Variants in PHACTR3 observed in about 807,000 individuals in gnomAD.
PHACTR3 encodes protein phosphatase 1, regulatory subunit 123.
A neutral mutation model predicts 66.8 loss-of-function variants in PHACTR3; 16 were observed. The observed-to-expected ratio is 0.24, with a 90% CI of 0.16 to 0.36. The LOEUF (loss-of-function observed/expected upper bound fraction) is 0.36. Among genes scored for constraint, PHACTR3 ranks in the 10% least tolerant of loss-of-function variants. PHACTR3 has a pLI of 1.00. For missense variants in PHACTR3, 647 were observed against 719.9 expected (o/e 0.90, Z 1.16); for synonymous variants, 323 against 292.1 (o/e 1.11, Z -1.08).
chr20:59,843,511 G>A (rs774825359), intron 11 of PHACTR3: 5 of 152,076 alleles, frequency 3.3e-5, no homozygotes, highest in Non-Finnish European at 5.9e-5. Context: ...GAAAAGAATA[G>A]AAAACCCAGA....
chr20:59,615,964 CT>C (rs1167189956), intron 1 of PHACTR3, among the ~76,000 whole-genome samples: 3 of 152,148 alleles, frequency 2.0e-5, no homozygotes, highest in Non-Finnish European at 4.4e-5. Context: ...TCAGAATCAC[CT>C]TGGAATCTCC....
At chr20:59,784,585 G>T (rs920476382) in intron 7 of PHACTR3, among the ~76,000 whole-genome samples, 1 of 152,172 alleles carries the variant, frequency 6.6e-6, no homozygotes, top group East Asian at 1.9e-4. Flanking sequence ...GCACAGGGTA[G>T]CGTGGTTGTT....
intron 1 of PHACTR3, among the ~76,000 whole-genome samples, chr20:59,658,941 A>G (rs1274698893): frequency 6.8e-6 from 1 of 146,460 alleles, no homozygotes; most frequent in Non-Finnish European, 1.5e-5. Context: ...ACCTGTTTTC[A>G]TGCTTACTTG....
At chr20:59,841,188 T>C (rs544937233) in intron 10 of PHACTR3, among the ~76,000 whole-genome samples, 1 of 152,288 alleles carries the variant, frequency 6.6e-6, no homozygotes, top group Admixed American at 6.5e-5. Flanking sequence ...TGATAAAATA[T>C]GTTGGAGGAA....
intron 7 of PHACTR3, among the ~76,000 whole-genome samples, chr20:59,779,614 T>C (rs1399920580): frequency 6.6e-6 from 1 of 152,250 alleles, no homozygotes; most frequent in Non-Finnish European, 1.5e-5. Context: ...TCTCCCTCTC[T>C]CCCTCTCTTT....
At chr20:59,679,846 C>G (rs2036580129) in intron 1 of PHACTR3, among the ~76,000 whole-genome samples, 1 of 152,144 alleles carries the variant, frequency 6.6e-6, no homozygotes, top group Non-Finnish European at 1.5e-5. Context: ...AGACTGCCCC[C>G]ATGATTCAGT....
intron 8 of PHACTR3, among the ~76,000 whole-genome samples, chr20:59,833,719 T>C (rs1658770510): frequency 6.6e-6 from 1 of 152,036 alleles, no homozygotes; most frequent in Non-Finnish European, 1.5e-5. Context: ...ACACACAAAA[T>C]ACAAATGGCT....
chr20:59,750,673 TG>T (rs137858637), intron 3 of PHACTR3, among the ~76,000 whole-genome samples: 7,364 of 152,084 alleles, frequency 0.048, 251 homozygotes, highest in African/African-American at 0.097. Context: ...GCGGCCACAG[TG>T]CGAGTGGGTG....
chr20:59,596,212 T>C (rs2033323117), intron 1 of PHACTR3, among the ~76,000 whole-genome samples: 1 of 152,216 alleles, frequency 6.6e-6, no homozygotes, highest in African/African-American at 2.4e-5. Flanking sequence ...CTTGGATCAC[T>C]GCAACCTCCA....
intron 8 of PHACTR3, among the ~76,000 whole-genome samples, chr20:59,826,885 A>C (rs895514252): frequency 2.0e-5 from 3 of 152,108 alleles, no homozygotes; most frequent in Admixed American, 6.5e-5. Flanking sequence ...TGACTGTGAG[A>C]ACAGAAAGTG....
intron 1 of PHACTR3, among the ~76,000 whole-genome samples, chr20:59,635,133 TTCTTTCTTTCTTTCTTTTTC>T (rs1568948715): frequency 9.8e-5 from 8 of 81,288 alleles, no homozygotes; most frequent in South Asian, 4.2e-4. Flanking sequence ...CTTTCTTTCT[TTCTTTCTTTCTTTCTTTTTC>T]TTTCTTTCTT....
chr20:59,775,862 C>T (rs1601329014), intron 7 of PHACTR3, among the ~76,000 whole-genome samples: 2 of 152,232 alleles, frequency 1.3e-5, no homozygotes, highest in East Asian at 3.9e-4. Flanking sequence ...AGCCTCAGCG[C>T]TGGTGGCAAG....
intron 1 of PHACTR3, among the ~76,000 whole-genome samples, chr20:59,696,168 G>A (rs2037290380): frequency 2.6e-5 from 4 of 152,242 alleles, no homozygotes; most frequent in African/African-American, 4.8e-5. Flanking sequence ...TTAGAGAGCA[G>A]TGCTCTGCAT....
intron 9 of PHACTR3, among the ~76,000 whole-genome samples, chr20:59,836,916 A>G (rs1367885873): frequency 6.6e-6 from 1 of 152,128 alleles, no homozygotes; most frequent in Non-Finnish European, 1.5e-5. Context: ...AACACACTAG[A>G]GAAGGACACG....
At chr20:59,743,385 G>T in intron 2 of PHACTR3, 117 bp downstream of exon 2, 1 of 1,327,816 alleles carries the variant, frequency 7.5e-7, no homozygotes, top group South Asian at 1.4e-5. Flanking sequence ...GGGCAGATGT[G>T]CTTCATGGCC....
chr20:59,758,034 T>TCTG (rs2039867157), intron 4 of PHACTR3, among the ~76,000 whole-genome samples: 1 of 152,162 alleles, frequency 6.6e-6, no homozygotes, highest in Non-Finnish European at 1.5e-5. Flanking sequence ...AGGTTATCCC[T>TCTG]GAGGGCAGCT....
chr20:59,747,787 G>A lies in PHACTR3; in HGVS notation c.310G>A (p.Gly104Ser), dbSNP rs758890825. 4 of 1,614,120 alleles carry A rather than the reference G, an allele frequency of 2.5e-6. No individual in the cohort carries two copies. The highest frequency in any genetic ancestry group is 3.4e-6 in the Non-Finnish European group (4 of 1,180,004). ...ALEKKMAGRQ[G>S]REELIKKGLL... is the part of the protein sequence containing the mutation. ...GGAGAAGAAGATGGCCGGCAGGCAA[G>A]GCCGAGAGGAGCTCATCAAGAAGGG... is the stretch of plus-strand genomic sequence containing the variant. The change falls in exon 3 of 13, where the codon GGC becomes AGC. Residue 104 changes from glycine (G) to serine (S), a missense_variant. Around this residue, in one of 2 missense-constraint regions of PHACTR3, gnomAD observed 577 missense variants for 571.1 expected, o/e 1.01. Coordinates refer to ENST00000371015, the MANE Select transcript of PHACTR3 (RefSeq NM_080672.5).
intron 8 of PHACTR3, 147 bp downstream of exon 8, chr20:59,806,341 T>C (rs1429611261): frequency 4.8e-6 from 5 of 1,036,324 alleles, no homozygotes; most frequent in African/African-American, 1.6e-5. Flanking sequence ...CCGTTGACGT[T>C]TGGGGCCGTG....
chr20:59,832,613 C>T (rs753909278), intron 8 of PHACTR3, among the ~76,000 whole-genome samples: 2 of 152,112 alleles, frequency 1.3e-5, no homozygotes, highest in Non-Finnish European at 2.9e-5. Flanking sequence ...CTGGCACGCC[C>T]ACACCCCATC....
Sources: gnomAD v4.1 joint callset for allele counts (sites outside exome capture counted in the v4.1 genomes callset) on GRCh38, gnomAD v4.1.1 for gene constraint, gnomAD v4.1.1 regional missense constraint, MANE v1.5 for transcripts, NCBI Gene and HGNC (gene_info 2026-07-23, HGNC 2026-07-21) for gene names.